The following PACRG variants were observed in gnomAD, a reference collection of about 807,000 sequenced individuals.
PACRG encodes parkin coregulated.
PACRG carries 29 observed loss-of-function variants against 29.7 expected under a neutral mutation model. The ratio of observed to expected loss-of-function variants is 0.98; its 90% CI spans 0.73 to 1.33. PACRG has a LOEUF of 1.33. Among genes scored for constraint, PACRG ranks in the 40% most tolerant of loss-of-function variants. PACRG has a pLI of 0.00. For synonymous variants in PACRG, 116 were observed against 118.7 expected (o/e 0.98, Z 0.15); for missense variants, 279 against 316.2 (o/e 0.88, Z 0.89).
intron 2 of PACRG, among the ~76,000 whole-genome samples, chr6:162,836,863 A>G (rs1039965241): frequency 2.0e-5 from 3 of 152,118 alleles, no homozygotes; most frequent in African/African-American, 7.2e-5. Context: ...TTCAGATATT[A>G]GTTTGGGGAT....
intron 4 of PACRG, among the ~76,000 whole-genome samples, chr6:163,289,889 C>G (rs1272845461): frequency 6.6e-6 from 1 of 151,702 alleles, no homozygotes; most frequent in African/African-American, 2.4e-5. Context: ...CTCTTGTTGC[C>G]CAGGCTGGAG....
chr6:163,039,678 C>T (rs1006273560), intron 2 of PACRG, among the ~76,000 whole-genome samples: 1 of 152,196 alleles, frequency 6.6e-6, no homozygotes, highest in African/African-American at 2.4e-5. Flanking sequence ...TGCCCCTGCC[C>T]TTGAGATCTG....
chr6:162,927,478 A>C (rs573137076), intron 2 of PACRG, among the ~76,000 whole-genome samples: 6 of 152,292 alleles, frequency 3.9e-5, no homozygotes, highest in African/African-American at 1.2e-4. Flanking sequence ...AGCCATAAAA[A>C]AGAATGAGAT....
intron 2 of PACRG, among the ~76,000 whole-genome samples, chr6:162,925,441 C>T (rs8180612): frequency 0.53 from 80,809 of 151,926 alleles, 22,188 homozygotes; most frequent in Middle Eastern, 0.7. Context: ...CTGAATCCAG[C>T]AGTGCATCAG....
At chr6:163,165,142 A>G (rs1778738869) in intron 4 of PACRG, among the ~76,000 whole-genome samples, 1 of 152,212 alleles carries the variant, frequency 6.6e-6, no homozygotes, top group Admixed American at 6.5e-5. Flanking sequence ...ACATGGTCTC[A>G]CATACAGAAT....
intron 2 of PACRG, among the ~76,000 whole-genome samples, chr6:162,862,053 C>T (rs1393139286): frequency 6.6e-6 from 1 of 152,162 alleles, no homozygotes; most frequent in African/African-American, 2.4e-5. Flanking sequence ...CGACAGAACT[C>T]CTCTCTGTCT....
chr6:162,867,663 C>T (rs1295000925), intron 2 of PACRG, among the ~76,000 whole-genome samples: 5 of 152,318 alleles, frequency 3.3e-5, no homozygotes, highest in Admixed American at 1.3e-4. Flanking sequence ...TCTCCTCCAG[C>T]AACTGGCCCG....
intron 4 of PACRG, among the ~76,000 whole-genome samples, chr6:163,297,904 A>C (rs147638832): frequency 8.0e-4 from 122 of 152,226 alleles, no homozygotes; most frequent in African/African-American, 2.9e-3. Flanking sequence ...GTATATGACC[A>C]TCAATTCAGC....
chr6:163,200,397 G>A (rs1183192629), intron 4 of PACRG, among the ~76,000 whole-genome samples: 1 of 152,078 alleles, frequency 6.6e-6, no homozygotes, highest in Non-Finnish European at 1.5e-5. Context: ...AATGTCTACA[G>A]GATGTTCTAC....
At chr6:163,166,785 T>C (rs2764008) in intron 4 of PACRG, among the ~76,000 whole-genome samples, 124,619 of 152,220 alleles carry the variant, frequency 0.82, 51,434 homozygotes, top group Non-Finnish European at 0.87. Flanking sequence ...GAATTAAGCA[T>C]AGTCTACTTA....
intron 2 of PACRG, among the ~76,000 whole-genome samples, chr6:163,046,123 TA>T (rs1169216193): frequency 6.6e-6 from 1 of 151,676 alleles, no homozygotes; most frequent in Non-Finnish European, 1.5e-5. Flanking sequence ...CAGGCCACCT[TA>T]ACCCTAACAA....
chr6:163,179,957 G>A (rs989152942), intron 4 of PACRG, among the ~76,000 whole-genome samples: 2 of 152,198 alleles, frequency 1.3e-5, no homozygotes, highest in African/African-American at 4.8e-5. Context: ...AGCCCTCCTG[G>A]GAGGTTCCTG....
chr6:163,009,140 C>T (rs932295574), intron 2 of PACRG, among the ~76,000 whole-genome samples: 1 of 152,130 alleles, frequency 6.6e-6, no homozygotes, highest in Admixed American at 6.5e-5. Context: ...TATACTGGGT[C>T]CATGTGACAA....
intron 4 of PACRG, among the ~76,000 whole-genome samples, chr6:163,232,063 G>T (rs556035265): frequency 8.2e-4 from 125 of 152,362 alleles, no homozygotes; most frequent in African/African-American, 3.0e-3. Context: ...AGTGGGCACT[G>T]ACTTGCTGGG....
chr6:162,945,448 G>A (rs934758867), intron 2 of PACRG, among the ~76,000 whole-genome samples: 20 of 151,954 alleles, frequency 1.3e-4, no homozygotes, highest in African/African-American at 3.4e-4. Flanking sequence ...TCAACAAGAG[G>A]GGTAACAATT....
chr6:162,937,278 CT>C lies in PACRG; in HGVS notation c.291+122998del, dbSNP rs1303499891. 2.0e-5 allele frequency among the ~76,000 whole-genome samples: 3 copies of C among 152,236 alleles called. No homozygotes were observed. In the East Asian group the frequency reaches 5.8e-4, roughly 29 times the overall value. On this transcript the variant is annotated intron_variant, in intron 2 of 4. Transcript: ENST00000366888. ...GTAAAATTAACTTTAATGAATTAAC[CT>C]GATATATTTTAAATATCATCTTAAC...
chr6:163,119,085 A>C (rs1054050585), intron 4 of PACRG, among the ~76,000 whole-genome samples: 2 of 152,248 alleles, frequency 1.3e-5, no homozygotes, highest in Non-Finnish European at 2.9e-5. Context: ...GCAGGAAAAT[A>C]CATCCACAAG....
intron 4 of PACRG, among the ~76,000 whole-genome samples, chr6:163,185,783 A>G (rs574193259): frequency 5.9e-5 from 9 of 152,272 alleles, no homozygotes; most frequent in African/African-American, 2.2e-4. Flanking sequence ...ATCTCCGTGT[A>G]ATGTCCTGAT....
chr6:163,104,198 C>T (rs1815257547), intron 4 of PACRG, among the ~76,000 whole-genome samples: 1 of 152,182 alleles, frequency 6.6e-6, no homozygotes, highest in South Asian at 2.1e-4. Flanking sequence ...TCAATAATAT[C>T]TTGAGAAAAA....
Sources: allele counts gnomAD v4.1 joint callset (sites outside exome capture counted in the v4.1 genomes callset), GRCh38; gene constraint gnomAD v4.1.1; transcripts MANE v1.5; gene names NCBI Gene and HGNC (gene_info 2026-07-23, HGNC 2026-07-21).